The following CD68 variants were observed in gnomAD, a reference collection of about 807,000 sequenced individuals.
CD68 encodes the protein CD68 molecule, also known as macrosialin.
Under a neutral mutation model 31.3 loss-of-function variants are expected in CD68, and 24 were observed. The ratio of observed to expected loss-of-function variants is 0.77; its 90% confidence interval spans 0.55 to 1.08. The LOEUF (loss-of-function observed/expected upper bound fraction) is 1.08, where lower values mean the gene tolerates loss of function less well. CD68 is among the 50% of genes least tolerant of loss of function. CD68 has a pLI of 0.00. For missense variants in CD68, 461 were observed against 442.5 expected (o/e 1.04, Z -0.38); for synonymous variants, 190 against 179.6 (o/e 1.06, Z -0.46).
At position 7,579,984 on chromosome 17, in the gene CD68, C is replaced by A; in HGVS notation, c.224C>A (p.Thr75Lys). 6.2e-7 allele frequency: 1 copy of A among 1,609,146 alleles called. No homozygotes were observed. Among genetic ancestry groups the A allele is most frequent in the African/African-American group, 1.3e-5 (1 of 74,968 alleles). The change falls in exon 2 of 6, where the codon ACG becomes AAG. Residue 75 changes from threonine (T) to lysine (K), a missense_variant. By Grantham distance (78) the Thr-to-Lys change is moderately conservative (BLOSUM62 -1). Coordinates refer to ENST00000250092, the MANE Select transcript of CD68 (RefSeq NM_001251.3). ...ACAGGCACCACCAGCCACGGACCCA[C>A]GACTGCCACTCACAACCCCACCACC... Reference protein sequence around the residue: ...TTTGTTSHGPTTATHNPTTTS... With the variant: ...TTTGTTSHGPKTATHNPTTTS...
intron 5 of CD68, 114 bp downstream of exon 5, chr17:7,581,180 A>G: frequency 1.7e-6 from 2 of 1,195,162 alleles, no homozygotes; most frequent in Non-Finnish European, 2.4e-6. Flanking sequence ...TCGCTCTCCC[A>G]GCTTGTCATG....
rs958749289 is a variant in CD68 at position 7,581,713 on chromosome 17, G to A, written c.*202G>A. On this transcript the variant is annotated 3_prime_UTR_variant, in exon 6 of 6. Coordinates refer to ENST00000250092, the MANE Select transcript of CD68 (RefSeq NM_001251.3). ...GAGGCAGGTGGATCACTGGAGGTCAGGAGTTTGAGACCAGCCTGGCCAACA... is the reference window on the plus strand; with the variant it reads ...GAGGCAGGTGGATCACTGGAGGTCAAGAGTTTGAGACCAGCCTGGCCAACA... 17 of 557,746 alleles carry A rather than the reference G, an allele frequency of 3.0e-5. No homozygotes were observed. Among genetic ancestry groups the A allele is most frequent in the Non-Finnish European group, 4.8e-5 (15 of 314,682 alleles). 34.5% of individuals were successfully genotyped at this position (557,746 alleles called of 1,614,324 possible). A position where few individuals can be genotyped will look rare whatever the true frequency, so the allele number is the denominator to read the frequency against.
chr17:7,580,313 C>G lies in CD68; in HGVS notation c.553C>G (p.Gln185Glu), dbSNP rs560981904. 1 of 1,613,084 alleles carries G rather than the reference C, an allele frequency of 6.2e-7. No individual in the cohort carries two copies. The highest frequency in any genetic ancestry group is 2.2e-5 in the East Asian group (1 of 44,858). ...TCAGATTCGAGTCATGTACACAACC[C>G]AGGGTGGAGGAGAGGTAAAGCTAAA... ...QIQIRVMYTT[Q>E]GGGEAWGISV... The change falls in exon 2 of 6, where the codon CAG becomes GAG. Residue 185 changes from glutamine to glutamate, a missense_variant. By Grantham distance (29) the Gln-to-Glu change is conservative (BLOSUM62 2). Coordinates refer to ENST00000250092, the MANE Select transcript of CD68 (RefSeq NM_001251.3). The surrounding 1 kb of genome is among the most constrained non-coding windows in gnomAD (Gnocchi z 4.3).
Position 7,581,624 on chromosome 17 carries a change from T to G in CD68, c.*113T>G. 2 of 1,219,004 alleles carry G rather than the reference T, an allele frequency of 1.6e-6. No homozygotes were observed. Among genetic ancestry groups the G allele is most frequent in the Non-Finnish European group, 2.3e-6 (2 of 862,722 alleles). The allele number at this position is 1,219,004 out of a possible 1,614,324, so 75.5% of individuals were successfully genotyped here. On this transcript the variant is annotated 3_prime_UTR_variant, in exon 6 of 6. Transcript: ENST00000250092. The stretch of plus-strand genomic sequence containing the variant: ...ACAATGTTATTTTCCTTCCCTTTCT[T>G]GAAGAACAAAAAGAAAGCCGGGCAT...
rs1450660624 is a variant in CD68 at position 7,581,831 on chromosome 17, G to A, written c.*320G>A. 4 of 317,066 alleles carry A rather than the reference G, an allele frequency of 1.3e-5. No individual in the cohort carries two copies. Among genetic ancestry groups the A allele is most frequent in the Admixed American group, 4.1e-5 (1 of 24,604 alleles). 19.6% of individuals were successfully genotyped at this position (317,066 alleles called of 1,614,324 possible). ...TAATCCCAGCTACTTGGGAGGCTGA[G>A]GCAGAACTGCTTGAACCCAGGAGGT... is the stretch of plus-strand genomic sequence containing the variant. On this transcript the variant is annotated 3_prime_UTR_variant, in exon 6 of 6. Transcript: ENST00000250092.
chr17:7,581,599 A>T lies in CD68; in HGVS notation c.*88A>T, dbSNP rs1290709786. The T allele has an allele frequency of 7.2e-7, 1 of 1,383,364 alleles. No individual in the cohort carries two copies. The highest frequency in any genetic ancestry group is 2.3e-5 in the East Asian group (1 of 43,590). The allele number at this position is 1,383,364 out of a possible 1,614,324, so 85.7% of individuals were successfully genotyped here. A position where few individuals can be genotyped will look rare whatever the true frequency, so the allele number is the denominator to read the frequency against. On this transcript the variant is annotated 3_prime_UTR_variant, in exon 6 of 6. Transcript: ENST00000250092. ...TCCTCGACACGCAACTGGCTCAAAG[A>T]CAATGTTATTTTCCTTCCCTTTCTT...
chr17:7,579,725 AG>A lies in CD68; in HGVS notation c.49+1del. On this transcript the variant is annotated frameshift_variant and splice_region_variant, in exon 1 of 6. Transcript: ENST00000250092. LOFTEE classifies it high-confidence loss of function. ...CGGGGGCCCTGCTGGGGCTACTGGC[AG>A]GTAAGGAGGAAGGAGGCTGAGGGGA... Reference protein sequence around the residue: ...FSGALLGLLAAQGTGNDCPHK... With the variant: ...FSGALLGLLAXQGTGNDCPHK... 6.2e-7 allele frequency: 1 copy of A among 1,603,792 alleles called. No individual in the cohort carries two copies. The highest frequency in any genetic ancestry group is 1.3e-5 in the African/African-American group (1 of 74,474).
Position 7,580,524 on chromosome 17 carries a change from G to T in CD68, c.626G>T (p.Gly209Val), listed in dbSNP as rs753982985. The T allele has an allele frequency of 2.5e-6, 4 of 1,614,014 alleles. No homozygotes were observed. In the South Asian group the frequency reaches 3.3e-5, roughly 13 times the overall value. Residue 209 changes from glycine (G) to valine (V), a missense_variant, in exon 3 of 6, where the codon GGT (glycine) becomes GTT (valine). Coordinates refer to ENST00000250092, the MANE Select transcript of CD68 (RefSeq NM_001251.3). The surrounding 1 kb of genome is among the most constrained non-coding windows in gnomAD (Gnocchi z 4.3). ...NKTKVQGSCE[G>V]AHPHLLLSFP... ...ACCAAGGTCCAGGGAAGCTGTGAGG[G>T]TGCCCATCCCCACCTGCTTCTCTCA...
rs540120096 is a variant in CD68 at position 7,581,345 on chromosome 17, T to C, written c.932-33T>C. The C allele has an allele frequency of 6.2e-6, 10 of 1,613,848 alleles. No individual in the cohort carries two copies. In the East Asian group the frequency reaches 2.2e-4, roughly 36 times the overall value. On this transcript the variant is annotated intron_variant, in intron 5 of 5. Coordinates refer to ENST00000250092, the MANE Select transcript of CD68 (RefSeq NM_001251.3). ...ACCTTTATCCCAACCAGCACGTCAC[T>C]GCAAATACCTACCTGCCCTATCCTT... is the stretch of plus-strand genomic sequence containing the variant.
rs776414308 is a variant in CD68, at chr17:7,580,784, G to A, written c.760+1G>A. On this transcript the variant is annotated splice_donor_variant, in intron 4 of 5. Coordinates refer to ENST00000250092, the MANE Select transcript of CD68 (RefSeq NM_001251.3). LOFTEE classifies it high-confidence loss of function. This position sits in a 1 kb window ranked among gnomAD's most constrained non-coding sequence, Gnocchi z 4.3. The stretch of plus-strand genomic sequence containing the variant: ...AATGTGTCCTTCCCCCACGCAGCAC[G>A]TAAGTAACCTCCTTCCCTTTCTCAT... 5 of 1,614,036 alleles carry A rather than the reference G, an allele frequency of 3.1e-6. No homozygotes were observed. Among genetic ancestry groups the A allele is most frequent in the Non-Finnish European group, 4.2e-6 (5 of 1,179,980 alleles).
At position 7,579,973 on chromosome 17, in the gene CD68, C is replaced by T. The variant is rs146415100; in HGVS notation, c.213C>T (p.Ser71=). Residue 71 remains serine, a synonymous_variant, in exon 2 of 6, where the codon AGC becomes AGT. Coordinates refer to ENST00000250092, the MANE Select transcript of CD68 (RefSeq NM_001251.3). ...THRTTTTGTT[S]HGPTTATHNP... ...GGACAACCACCACAGGCACCACCAGCCACGGACCCACGACTGCCACTCACA... is the reference window on the plus strand; with the variant it reads ...GGACAACCACCACAGGCACCACCAGTCACGGACCCACGACTGCCACTCACA... 3 of 1,614,030 alleles carry T rather than the reference C, an allele frequency of 1.9e-6. No individual in the cohort carries two copies. The highest frequency in any genetic ancestry group is 8.5e-7 in the Non-Finnish European group (1 of 1,179,960).
rs2071478482 is a variant in CD68 at position 7,581,050 on chromosome 17, A to C, written c.915A>C (p.Thr305=). Residue 305 remains threonine, a synonymous_variant, in exon 5 of 6, where the codon ACA becomes ACC. Coordinates refer to ENST00000250092, the MANE Select transcript of CD68 (RefSeq NM_001251.3). ...LRLQAAQLPH[T]GVFGQSFSCP... ...TCCAGGCTGCTCAGCTGCCCCACAC[A>C]GGGGTCTTTGGGCAAAGTAAGACCT... 6.2e-7 allele frequency: 1 copy of C among 1,613,684 alleles called. No homozygotes were observed. Among genetic ancestry groups the C allele is most frequent in the Non-Finnish European group, 8.5e-7 (1 of 1,179,862 alleles).
Position 7,580,094 on chromosome 17 carries a change from G to A in CD68, c.334G>A (p.Ala112Thr), listed in dbSNP as rs776944717. Residue 112 changes from alanine to threonine, a missense_variant, in exon 2 of 6, where the codon GCC becomes ACC. Physicochemically the swap from Ala to Thr is moderately conservative, Grantham distance 58 (BLOSUM62 0). Coordinates refer to ENST00000250092, the MANE Select transcript of CD68 (RefSeq NM_001251.3). The surrounding 1 kb of genome is among the most constrained non-coding windows in gnomAD (Gnocchi z 4.3). ...ACCCTCAACTGCCACTCACAGTCCT[G>A]CCACCACTAGTCATGGAAATGCCAC... ...QGPSTATHSP[A>T]TTSHGNATVH... 1 of 1,613,844 alleles carries A rather than the reference G, an allele frequency of 6.2e-7. No homozygotes were observed. The highest frequency in any genetic ancestry group is 1.1e-5 in the South Asian group (1 of 91,044).
Position 7,580,988 on chromosome 17 carries a change from T to A in CD68, c.853T>A (p.Ser285Thr). Reference sequence around the variant, plus strand: ...TTGCAGCAACTCGAGCATCATTCTTTCACCAGCTGTCCACCTCGACCTGCT... The same window carrying A: ...TTGCAGCAACTCGAGCATCATTCTTACACCAGCTGTCCACCTCGACCTGCT... ...FSCSNSSIILSPAVHLDLLSL... is the reference protein window; with the variant it reads ...FSCSNSSIILTPAVHLDLLSL... The change falls in exon 5 of 6, where the codon TCA becomes ACA. Residue 285 changes from serine to threonine, a missense_variant. Ser to Thr is a moderately conservative substitution (Grantham distance 58). Transcript: ENST00000250092. This position sits in a 1 kb window ranked among gnomAD's most constrained non-coding sequence, Gnocchi z 4.3. The A allele has an allele frequency of 6.2e-7, 1 of 1,614,016 alleles. No individual in the cohort carries two copies.
chr17:7,579,849 C>G lies in CD68; in HGVS notation c.89C>G (p.Ala30Gly). The G allele has an allele frequency of 6.2e-7, 1 of 1,614,018 alleles. No homozygotes were observed. The highest frequency in any genetic ancestry group is 8.5e-7 in the Non-Finnish European group (1 of 1,179,986). Residue 30 changes from alanine (A) to glycine (G), a missense_variant, in exon 2 of 6, where the codon GCT becomes GGT. Physicochemically the swap from Ala to Gly is moderately conservative, Grantham distance 60. Transcript: ENST00000250092. ...AATGACTGTCCTCACAAAAAATCAG[C>G]TACTTTGCTGCCATCCTTCACGGTG... ...TGNDCPHKKS[A>G]TLLPSFTVTP...
chr17:7,580,708 C>G lies in CD68; in HGVS notation c.688-3C>G. 6.2e-7 allele frequency: 1 copy of G among 1,614,082 alleles called. No individual in the cohort carries two copies. Among genetic ancestry groups the G allele is most frequent in the Non-Finnish European group, 8.5e-7 (1 of 1,180,000 alleles). On this transcript the variant is annotated splice_polypyrimidine_tract_variant and splice_region_variant and intron_variant, in intron 3 of 5. Transcript: ENST00000250092. The surrounding 1 kb of genome is among the most constrained non-coding windows in gnomAD (Gnocchi z 4.3). ...CACCTGCGCCTTCCTCTTCGCCCCA[C>G]AGGACCTCCAGCAGAAGGTTGTCTA...
Position 7,580,318 on chromosome 17 carries a change from TGGA to T in CD68, c.563_565del (p.Gly188del), listed in dbSNP as rs1567737728. 1.9e-6 allele frequency: 3 copies of T among 1,611,780 alleles called. No individual in the cohort carries two copies. Among genetic ancestry groups the T allele is most frequent in the Non-Finnish European group, 2.5e-6 (3 of 1,178,580 alleles). On this transcript the variant is annotated inframe_deletion, in exon 2 of 6. Coordinates refer to ENST00000250092, the MANE Select transcript of CD68 (RefSeq NM_001251.3). The surrounding 1 kb of genome is among the most constrained non-coding windows in gnomAD (Gnocchi z 4.3). ...TTCGAGTCATGTACACAACCCAGGG[TGGA>T]GGAGAGGTAAAGCTAAAACTGGGGG... is the stretch of plus-strand genomic sequence containing the variant.
chr17:7,581,480 G>C lies in CD68; in HGVS notation c.1034G>C (p.Arg345Pro), dbSNP rs755041269. Residue 345 changes from arginine (R) to proline (P), a missense_variant, in exon 6 of 6, where the codon CGG (arginine) becomes CCG (proline). Arg to Pro is a moderately radical substitution (Grantham distance 103). Transcript: ENST00000250092. ...ALVLIAFCII[R>P]RRPSAYQAL ...GTGCTTATTGCTTTCTGCATCATCC[G>C]GAGACGCCCATCCGCCTACCAGGCC... The C allele has an allele frequency of 6.2e-7, 1 of 1,613,940 alleles. No homozygotes were observed. Among genetic ancestry groups the C allele is most frequent in the Non-Finnish European group, 8.5e-7 (1 of 1,180,020 alleles).
chr17:7,581,486 G>A lies in CD68; in HGVS notation c.1040G>A (p.Arg347His), dbSNP rs946301105. 5.6e-6 allele frequency: 9 copies of A among 1,613,990 alleles called. No homozygotes were observed. The highest frequency in any genetic ancestry group is 1.7e-5 in the Admixed American group (1 of 59,996). Reference protein sequence around the residue: ...VLIAFCIIRRRPSAYQAL With the variant: ...VLIAFCIIRRHPSAYQAL Reference sequence around the variant, plus strand: ...ATTGCTTTCTGCATCATCCGGAGACGCCCATCCGCCTACCAGGCCCTCTGA... The same window carrying A: ...ATTGCTTTCTGCATCATCCGGAGACACCCATCCGCCTACCAGGCCCTCTGA... Residue 347 changes from arginine to histidine, a missense_variant, in exon 6 of 6, where the codon CGC (arginine) becomes CAC (histidine). By Grantham distance (29) the Arg-to-His change is conservative (BLOSUM62 0). Transcript: ENST00000250092.
Sources: allele counts gnomAD v4.1 joint callset, GRCh38; gene constraint gnomAD v4.1.1; non-coding constraint Gnocchi (gnomAD v3.1); transcripts MANE v1.5; gene names NCBI Gene and HGNC (gene_info 2026-07-23, HGNC 2026-07-21).